The following CDH12 variants were observed in gnomAD, a reference collection of about 807,000 sequenced individuals.
The protein encoded by CDH12 is cadherin 12, also known as cadherin-12.
Under a neutral mutation model 74.1 loss-of-function variants are expected in CDH12, and 41 were observed. The ratio of observed to expected loss-of-function variants is 0.55; its 90% CI spans 0.43 to 0.72. The LOEUF is 0.72. Among genes scored for constraint, CDH12 ranks in the 30% least tolerant of loss-of-function variants. CDH12 has a pLI of 0.00. For missense variants in CDH12, 945 were observed against 977.2 expected (o/e 0.97, Z 0.44); for synonymous variants, 399 against 355.0 (o/e 1.12, Z -1.39).
At chr5:21,916,359 A>G (rs1754093425) in intron 6 of CDH12, among the ~76,000 whole-genome samples, 1 of 152,164 alleles carries the variant, frequency 6.6e-6, no homozygotes, top group Admixed American at 6.6e-5. Context: ...AAATTATGGG[A>G]AACTTTTACT....
At chr5:22,328,259 C>T (rs1474143467) in intron 3 of CDH12, among the ~76,000 whole-genome samples, 1 of 152,164 alleles carries the variant, frequency 6.6e-6, no homozygotes, top group African/African-American at 2.4e-5. Flanking sequence ...TACTACTGTT[C>T]ATACATAGTT....
At chr5:21,874,260 A>T (rs1464044564) in intron 6 of CDH12, among the ~76,000 whole-genome samples, 2 of 152,218 alleles carry the variant, frequency 1.3e-5, no homozygotes, top group African/African-American at 4.8e-5. Flanking sequence ...CAACAAACAT[A>T]TGAAGGAAGG....
At chr5:22,523,719 A>G (rs911257253) in intron 1 of CDH12, among the ~76,000 whole-genome samples, 2 of 152,138 alleles carry the variant, frequency 1.3e-5, no homozygotes, top group African/African-American at 2.4e-5. Flanking sequence ...AGGTTGCCTC[A>G]TATAATTCTC....
At chr5:22,374,257 T>A (rs1741426208) in intron 3 of CDH12, among the ~76,000 whole-genome samples, 1 of 151,976 alleles carries the variant, frequency 6.6e-6, no homozygotes, top group Non-Finnish European at 1.5e-5. Flanking sequence ...AAAAAATCAA[T>A]ATCCCTTCAT....
chr5:22,079,070 A>G (rs1207130508), intron 4 of CDH12, among the ~76,000 whole-genome samples: 4 of 152,220 alleles, frequency 2.6e-5, no homozygotes, highest in Non-Finnish European at 4.4e-5. Context: ...ATTAGTTACA[A>G]TGAAGCAAAA....
At chr5:22,131,265 C>T (rs1746163300) in intron 4 of CDH12, among the ~76,000 whole-genome samples, 1 of 151,968 alleles carries the variant, frequency 6.6e-6, no homozygotes, top group African/African-American at 2.4e-5. Flanking sequence ...TCGGCATTGG[C>T]TACCAATTGT....
At chr5:22,461,317 C>T (rs1490238342) in intron 2 of CDH12, among the ~76,000 whole-genome samples, 2 of 151,882 alleles carry the variant, frequency 1.3e-5, no homozygotes, top group Admixed American at 6.6e-5. Flanking sequence ...AGGCACCGTA[C>T]CTGGCCAATA....
intron 10 of CDH12, among the ~76,000 whole-genome samples, chr5:21,799,079 A>G (rs1392957995): frequency 6.6e-6 from 1 of 152,190 alleles, no homozygotes; most frequent in Admixed American, 6.5e-5. Context: ...ACAGTCATAA[A>G]CAGAATGTTG....
chr5:21,994,163 T>C (rs1294616270), intron 5 of CDH12, among the ~76,000 whole-genome samples: 1 of 151,852 alleles, frequency 6.6e-6, no homozygotes, highest in East Asian at 1.9e-4. Context: ...CCAATAATCA[T>C]GGGCAGCTTT....
Position 22,652,394 on chromosome 5 carries a change from C to T in CDH12, c.-522-147030G>A, listed in dbSNP as rs1739790893. Among the ~76,000 whole-genome samples, 2 of 152,032 alleles carry T rather than the reference C, an allele frequency of 1.3e-5. 1 individual carries two copies. Among genetic ancestry groups the T allele is most frequent in the African/African-American group, 4.8e-5 (2 of 41,412 alleles). ...TGTTATCAAGGACTTAGCATGTCAC[C>T]AGAAGCATCAATCAAAATTGATTAC... On this transcript the variant is annotated intron_variant, in intron 1 of 14. Transcript: ENST00000382254.
chr5:22,118,228 G>A (rs1745285811), intron 4 of CDH12, among the ~76,000 whole-genome samples: 1 of 152,152 alleles, frequency 6.6e-6, no homozygotes, highest in South Asian at 2.1e-4. Flanking sequence ...TGCTATTCAT[G>A]TGGATGGGAC....
chr5:22,547,930 T>C (rs1561483383), intron 1 of CDH12, among the ~76,000 whole-genome samples: 1 of 152,192 alleles, frequency 6.6e-6, no homozygotes, highest in Non-Finnish European at 1.5e-5. Flanking sequence ...TAATATTACA[T>C]GGGGTAAATT....
intron 2 of CDH12, among the ~76,000 whole-genome samples, chr5:22,414,759 CTAAAA>C (rs1292140949): frequency 6.6e-6 from 1 of 151,130 alleles, no homozygotes; most frequent in East Asian, 1.9e-4. Flanking sequence ...TATTAAATTT[CTAAAA>C]TAAAATGAAA....
chr5:21,958,537 T>C (rs1342180601), intron 6 of CDH12, among the ~76,000 whole-genome samples: 1 of 152,182 alleles, frequency 6.6e-6, no homozygotes, highest in Non-Finnish European at 1.5e-5. Context: ...CCAGTACCAT[T>C]TATTGAAAAG....
chr5:22,047,678 A>C (rs1740055853), intron 5 of CDH12, among the ~76,000 whole-genome samples: 1 of 152,156 alleles, frequency 6.6e-6, no homozygotes, highest in Non-Finnish European at 1.5e-5. Flanking sequence ...CCTCCTATGC[A>C]CTGTTGACTT....
At chr5:22,635,500 A>G (rs1350940026) in intron 1 of CDH12, among the ~76,000 whole-genome samples, 3 of 152,232 alleles carry the variant, frequency 2.0e-5, no homozygotes, top group Non-Finnish European at 2.9e-5. Context: ...GATTTCACCA[A>G]TGATAAAACT....
chr5:22,766,802 C>T (rs1746538307), intron 1 of CDH12, among the ~76,000 whole-genome samples: 3 of 151,986 alleles, frequency 2.0e-5, no homozygotes. Context: ...AGATATTATA[C>T]ATAATTTAGA....
intron 3 of CDH12, among the ~76,000 whole-genome samples, chr5:22,238,594 A>AT (rs1229076344): frequency 6.6e-6 from 1 of 152,080 alleles, no homozygotes; most frequent in African/African-American, 2.4e-5. Context: ...CAATGGAATG[A>AT]TTTTTTCCTT....
chr5:22,432,409 T>C (rs1174444539), intron 2 of CDH12, among the ~76,000 whole-genome samples: 1 of 152,158 alleles, frequency 6.6e-6, no homozygotes, highest in Non-Finnish European at 1.5e-5. Context: ...TGTATGATTG[T>C]ATATCTATTG....
Sources: gnomAD v4.1 joint callset for allele counts (sites outside exome capture counted in the v4.1 genomes callset) on GRCh38, gnomAD v4.1.1 for gene constraint, MANE v1.5 for transcripts, NCBI Gene and HGNC (gene_info 2026-07-23, HGNC 2026-07-21) for gene names.